The following CRYZL1 variants were observed in gnomAD, a reference collection of about 807,000 sequenced individuals.
The protein encoded by CRYZL1 is crystallin zeta like 1.
Under a neutral mutation model 50.6 loss-of-function variants are expected in CRYZL1, and 34 were observed. The observed-to-expected ratio is 0.67, with a 90% CI of 0.51 to 0.89. CRYZL1 has a LOEUF of 0.89. CRYZL1 is among the 40% of genes least tolerant of loss of function. The pLI is 0.00. For missense variants in CRYZL1, 354 were observed against 402.3 expected, an observed-to-expected ratio of 0.88 and a Z score of 1.03; for synonymous variants, 125 against 134.3, an observed-to-expected ratio of 0.93 and a Z score of 0.48.
At position 33,602,220 on chromosome 21, in the gene CRYZL1, A is replaced by G; in HGVS notation, c.577+14T>C. On this transcript the variant is annotated intron_variant, in intron 8 of 12. Transcript: ENST00000381554. ...ATTTCCTGTTTTAAAGTCTGTGCTC[A>G]TAATATTACCCACCTATGGGAGGTC... The G allele has an allele frequency of 7.3e-7, 1 of 1,365,516 alleles. No homozygotes were observed. The highest frequency in any genetic ancestry group is 1.0e-6 in the Non-Finnish European group (1 of 956,504). 84.6% of individuals were successfully genotyped at this position (1,365,516 alleles called of 1,614,324 possible).
intron 11 of CRYZL1, chr21:33,591,507 AAT>A: frequency 2.4e-6 from 1 of 409,720 alleles, no homozygotes; most frequent in Non-Finnish European, 4.4e-6. Flanking sequence ...ATGCGAATGA[AAT>A]AGTGTCTAGT....
chr21:33,627,566 C>T (rs2087081930), intron 2 of CRYZL1, among the ~76,000 whole-genome samples: 1 of 151,990 alleles, frequency 6.6e-6, no homozygotes, highest in South Asian at 2.1e-4. Context: ...TAATAATCAC[C>T]AATACTGTAT....
At chr21:33,635,876 G>C (rs1642013845) in intron 1 of CRYZL1, among the ~76,000 whole-genome samples, 1 of 151,986 alleles carries the variant, frequency 6.6e-6, no homozygotes, top group South Asian at 2.1e-4. Context: ...AGCTACTCGG[G>C]AGGCTGAGGC....
At chr21:33,621,563 G>A (rs1023151356) in intron 4 of CRYZL1, among the ~76,000 whole-genome samples, 5 of 151,578 alleles carry the variant, frequency 3.3e-5, no homozygotes, top group East Asian at 3.9e-4. Context: ...GGATGGTCTC[G>A]ATCTCCTGAC....
At chr21:33,599,385 T>C in intron 8 of CRYZL1, 137 bp from the exon 9 acceptor site, 14 of 1,192,988 alleles carry the variant, frequency 1.2e-5, no homozygotes, top group Middle Eastern at 1.9e-4. Flanking sequence ...TTACTGAATT[T>C]AAAGGGAGAA....
chr21:33,611,992 C>A (rs1448724831), intron 6 of CRYZL1, among the ~76,000 whole-genome samples: 1 of 152,158 alleles, frequency 6.6e-6, no homozygotes, highest in Non-Finnish European at 1.5e-5. Flanking sequence ...TTTCACTGCT[C>A]AATAGAAATT....
Position 33,597,274 on chromosome 21 carries a change from T to A in CRYZL1, c.798+6A>T. 1.9e-6 allele frequency: 3 copies of A among 1,613,434 alleles called. No homozygotes were observed. The highest frequency in any genetic ancestry group is 2.5e-6 in the Non-Finnish European group (3 of 1,179,562). The stretch of plus-strand genomic sequence containing the variant: ...AATGGTAACGCTTTATGGTTTCTGA[T>A]AGTACCTGAAGGTTTTCTTCTGTTG... On this transcript the variant is annotated splice_donor_region_variant and intron_variant, in intron 10 of 12. Coordinates refer to ENST00000381554, the MANE Select transcript of CRYZL1 (RefSeq NM_145858.3).
chr21:33,602,138 C>T, intron 8 of CRYZL1, 96 bp downstream of exon 8: 1 of 707,908 alleles, frequency 1.4e-6, no homozygotes, highest in Non-Finnish European at 2.5e-6. Flanking sequence ...CTGCACCTGG[C>T]CAGGGATTTT....
intron 12 of CRYZL1, among the ~76,000 whole-genome samples, chr21:33,590,403 T>A (rs2086631862): frequency 6.6e-6 from 1 of 152,124 alleles, no homozygotes; most frequent in Non-Finnish European, 1.5e-5. Context: ...AGGAAAAAAA[T>A]TATCTACTTT....
At chr21:33,596,867 CTTT>C (rs1181986117) in intron 10 of CRYZL1, among the ~76,000 whole-genome samples, 1 of 140,634 alleles carries the variant, frequency 7.1e-6, no homozygotes, top group Non-Finnish European at 1.6e-5. Context: ...AGATTTTTTT[CTTT>C]TTTTTTTTTT....
chr21:33,634,880 A>ATATATAT (rs1491448633), intron 1 of CRYZL1, among the ~76,000 whole-genome samples: 5 of 144,430 alleles, frequency 3.5e-5, no homozygotes, highest in Middle Eastern at 3.7e-3. Flanking sequence ...CAACAACAAC[A>ATATATAT]ATATATATAT....
intron 6 of CRYZL1, among the ~76,000 whole-genome samples, chr21:33,611,195 G>A (rs925480039): frequency 2.6e-5 from 4 of 152,144 alleles, no homozygotes; most frequent in South Asian, 2.1e-4. Context: ...AAAGGAGCCC[G>A]TGGCAGTCCT....
intron 1 of CRYZL1, among the ~76,000 whole-genome samples, chr21:33,637,610 T>C (rs1300336005): frequency 6.6e-6 from 1 of 151,870 alleles, no homozygotes; most frequent in East Asian, 1.9e-4. Context: ...CAAACTCCTC[T>C]TCTTACATGC....
rs1555905674 is a variant in CRYZL1, at chr21:33,616,713, T to A, written c.255A>T (p.Glu85Asp). The change falls in exon 5 of 13, where the codon GAA becomes GAT. Residue 85 changes from glutamate (E) to aspartate (D), a missense_variant. Coordinates refer to ENST00000381554, the MANE Select transcript of CRYZL1 (RefSeq NM_145858.3). ...SKVSFFQPDD[E>D]VVGILPLDSE... ...CTATGAACTATAACTTACCAACTACTTCATCATCTGGTTGAAAGAATGATA... is the reference window on the plus strand; with the variant it reads ...CTATGAACTATAACTTACCAACTACATCATCATCTGGTTGAAAGAATGATA... 2.5e-6 allele frequency: 4 copies of A among 1,609,398 alleles called. No homozygotes were observed. The highest frequency in any genetic ancestry group is 3.4e-6 in the Non-Finnish European group (4 of 1,177,554).
chr21:33,620,888 CA>C (rs2086989567), intron 4 of CRYZL1, among the ~76,000 whole-genome samples: 1 of 139,536 alleles, frequency 7.2e-6, no homozygotes, highest in South Asian at 2.3e-4. Flanking sequence ...ACCCGTAGAC[CA>C]GGGGTGTCCA....
intron 8 of CRYZL1, among the ~76,000 whole-genome samples, chr21:33,600,355 T>A (rs2086738346): frequency 6.6e-6 from 1 of 152,166 alleles, no homozygotes; most frequent in Non-Finnish European, 1.5e-5. Flanking sequence ...GAATATAAAT[T>A]ATTGACAGAA....
chr21:33,593,982 CAAAAA>C (rs1167158360), intron 11 of CRYZL1, among the ~76,000 whole-genome samples: 23 of 48,912 alleles, frequency 4.7e-4, no homozygotes, highest in Admixed American at 7.0e-4. Flanking sequence ...GACTCTGTCT[CAAAAA>C]AAAAAAAAAA....
chr21:33,641,179 A>C, intron 1 of CRYZL1: 1 of 1,550,454 alleles, frequency 6.4e-7, no homozygotes, highest in Non-Finnish European at 8.7e-7. Flanking sequence ...CGATGCTTAC[A>C]TCTCGCTCCA....
At chr21:33,630,808 C>G (rs2087128970) in intron 2 of CRYZL1, among the ~76,000 whole-genome samples, 1 of 152,146 alleles carries the variant, frequency 6.6e-6, no homozygotes, top group South Asian at 2.1e-4. Context: ...GAATACTATT[C>G]AGCCATAAAA....
Sources: gnomAD v4.1 joint callset for allele counts (sites outside exome capture counted in the v4.1 genomes callset) on GRCh38, gnomAD v4.1.1 for gene constraint, MANE v1.5 for transcripts, NCBI Gene and HGNC (gene_info 2026-07-23, HGNC 2026-07-21) for gene names.